The following ARB2A variants were observed in gnomAD, a reference collection of about 807,000 sequenced individuals.
ARB2A encodes cotranscriptional regulator ARB2A.
chr5:93,685,818 T>C, the ARB2A span, among the ~76,000 whole-genome samples: 1 of 152,196 alleles, frequency 6.6e-6, no homozygotes, highest in South Asian at 2.1e-4. Context: ...GCCTTGAGTA[T>C]GGGCTTCTTA....
the ARB2A span, among the ~76,000 whole-genome samples, chr5:93,621,610 C>T: frequency 6.6e-6 from 1 of 152,200 alleles, no homozygotes; most frequent in East Asian, 1.9e-4. Flanking sequence ...GGATTGGTTT[C>T]CCCTGCGTGC....
the ARB2A span, among the ~76,000 whole-genome samples, chr5:94,102,790 G>A: frequency 1.3e-5 from 2 of 151,918 alleles, no homozygotes; most frequent in African/African-American, 4.8e-5. Flanking sequence ...CACCTACAAA[G>A]GGAACCCCAT....
the ARB2A span, among the ~76,000 whole-genome samples, chr5:93,915,266 A>C: frequency 6.6e-6 from 1 of 151,804 alleles, no homozygotes; most frequent in Non-Finnish European, 1.5e-5. Context: ...GTTTACCTTT[A>C]TGAGGTAATA....
At chr5:93,854,035 C>G in the ARB2A span, among the ~76,000 whole-genome samples, 9 of 152,236 alleles carry the variant, frequency 5.9e-5, no homozygotes, top group Non-Finnish European at 1.2e-4. Flanking sequence ...AGGAATGGTA[C>G]CAGTTCCTCC....
At chr5:94,076,659 A>C in the ARB2A span, among the ~76,000 whole-genome samples, 1 of 152,232 alleles carries the variant, frequency 6.6e-6, no homozygotes, top group African/African-American at 2.4e-5. Flanking sequence ...GATAGTGCAC[A>C]AATTTCACCA....
the ARB2A span, among the ~76,000 whole-genome samples, chr5:93,687,387 A>G: frequency 1.3e-5 from 2 of 152,306 alleles, no homozygotes; most frequent in East Asian, 3.9e-4. Flanking sequence ...TTTGAAATTT[A>G]TTTTACAGAA....
At chr5:93,860,038 T>C in the ARB2A span, among the ~76,000 whole-genome samples, 122,512 of 152,182 alleles carry the variant, frequency 0.81, 49,849 homozygotes, top group East Asian at 0.95. Context: ...CTCACACCTA[T>C]AATCCCAGCA....
At chr5:93,731,659 A>G in the ARB2A span, among the ~76,000 whole-genome samples, 2 of 152,192 alleles carry the variant, frequency 1.3e-5, no homozygotes, top group Admixed American at 6.5e-5. Context: ...ATTATCATCC[A>G]TTCTAAAATA....
At chr5:93,827,983 G>A in the ARB2A span, among the ~76,000 whole-genome samples, 151 of 152,276 alleles carry the variant, frequency 9.9e-4, 2 homozygotes, top group South Asian at 0.016. Flanking sequence ...ATGCTGTTTC[G>A]GTTACTGTAG....
At chr5:93,920,411 A>G in the ARB2A span, among the ~76,000 whole-genome samples, 3 of 152,252 alleles carry the variant, frequency 2.0e-5, no homozygotes, top group Admixed American at 6.5e-5. Context: ...CCCTTGAACA[A>G]TATGGGTTTG....
chr5:93,864,263 G>A, the ARB2A span, among the ~76,000 whole-genome samples: 2 of 152,106 alleles, frequency 1.3e-5, no homozygotes, highest in African/African-American at 4.8e-5. Context: ...CCTAAACAAT[G>A]AGTGTTGTAA....
the ARB2A span, chr5:93,866,285 T>C: frequency 1.0e-6 from 1 of 982,284 alleles, no homozygotes; most frequent in South Asian, 4.7e-5. Context: ...ACAATTCAGA[T>C]ATAATGCACC....
the ARB2A span, among the ~76,000 whole-genome samples, chr5:94,060,843 T>C: frequency 6.6e-6 from 1 of 152,184 alleles, no homozygotes; most frequent in African/African-American, 2.4e-5. Flanking sequence ...AACGGTTCAC[T>C]ATTCAAAAAA....
At chr5:94,068,517 G>A in the ARB2A span, among the ~76,000 whole-genome samples, 1 of 152,186 alleles carries the variant, frequency 6.6e-6, no homozygotes, top group African/African-American at 2.4e-5. Flanking sequence ...AATGGGAGGG[G>A]ACCCAAAGGG....
chr5:93,681,531 T>C, the ARB2A span, among the ~76,000 whole-genome samples: 2 of 152,098 alleles, frequency 1.3e-5, no homozygotes, highest in African/African-American at 4.8e-5. Flanking sequence ...CTCCACAAAA[T>C]TACCAGTTAC....
the ARB2A span, among the ~76,000 whole-genome samples, chr5:94,096,560 A>G: frequency 3.3e-5 from 5 of 152,204 alleles, no homozygotes; most frequent in Non-Finnish European, 5.9e-5. Context: ...AAAGGGCCTT[A>G]CAAGGGCCCA....
chr5:94,038,082 T>C, the ARB2A span, among the ~76,000 whole-genome samples: 17 of 152,180 alleles, frequency 1.1e-4, no homozygotes, highest in South Asian at 3.5e-3. Context: ...TCAAGATATA[T>C]ATCAAAGAAA....
At chr5:94,053,588 C>T in the ARB2A span, among the ~76,000 whole-genome samples, 1 of 152,016 alleles carries the variant, frequency 6.6e-6, no homozygotes, top group Admixed American at 6.6e-5. Context: ...ATAACTGAAA[C>T]ATTTACGAAT....
the ARB2A span, among the ~76,000 whole-genome samples, chr5:93,914,185 C>A: frequency 1.3e-5 from 2 of 152,054 alleles, no homozygotes; most frequent in South Asian, 4.1e-4. Context: ...GTTTGGGAAT[C>A]TGTAGATTTT....
Sources: gnomAD v4.1 joint callset for allele counts (sites outside exome capture counted in the v4.1 genomes callset) on GRCh38, gnomAD v4.1.1 for gene constraint, MANE v1.5 for transcripts, NCBI Gene and HGNC (gene_info 2026-07-23, HGNC 2026-07-21) for gene names.